PIP5K1B: variants seen among roughly 807,000 people sequenced by gnomAD.
The protein encoded by PIP5K1B is phosphatidylinositol-4-phosphate 5-kinase type 1 beta, also known as phosphatidylinositol 4-phosphate 5-kinase type-1 beta.
Under a neutral mutation model 67.0 loss-of-function variants are expected in PIP5K1B, and 42 were observed. The observed-to-expected ratio is 0.63, with a 90% confidence interval of 0.49 to 0.81. PIP5K1B has a LOEUF of 0.81. Among genes scored for constraint, PIP5K1B ranks in the 30% least tolerant of loss-of-function variants. The probability of loss-of-function intolerance (pLI) is 0.00; values close to 1 mark genes in which losing one functional copy is unlikely to be tolerated. For synonymous variants in PIP5K1B, 214 were observed against 231.4 expected (o/e 0.92, Z 0.68); for missense variants, 459 against 646.3 (o/e 0.71, Z 3.14).
chr9:68,977,384 G>A (rs1829680011), intron 14 of PIP5K1B, among the ~76,000 whole-genome samples: 1 of 152,126 alleles, frequency 6.6e-6, no homozygotes. Context: ...TTAGCCAGGT[G>A]TGGTGGTGCT....
intron 2 of PIP5K1B, among the ~76,000 whole-genome samples, chr9:68,762,714 A>G (rs2132394238): frequency 6.6e-6 from 1 of 152,250 alleles, no homozygotes; most frequent in East Asian, 1.9e-4. Context: ...AGGATAATAC[A>G]TTGGTTAAGA....
At position 69,008,489 on chromosome 9, in the gene PIP5K1B, A is replaced by AGCACAGTTATGGCAGAGAAGTTTCTCC; in HGVS notation, c.*45_*71dup. On this transcript the variant is annotated 3_prime_UTR_variant, in exon 16 of 16. Transcript: ENST00000265382. ...CACCTAAGCACATGGATGAGACGTG[A>AGCACAGTTATGGCAGAGAAGTTTCTCC]GCACAGTTATGGCAGAGAAGTTTCT... 6.2e-7 allele frequency: 1 copy of AGCACAGTTATGGCAGAGAAGTTTCTCC among 1,608,564 alleles called. No homozygotes were observed. Among genetic ancestry groups the AGCACAGTTATGGCAGAGAAGTTTCTCC allele is most frequent in the Non-Finnish European group, 8.5e-7 (1 of 1,174,952 alleles).
chr9:68,999,769 T>A (rs10746988), intron 15 of PIP5K1B, among the ~76,000 whole-genome samples: 137,399 of 152,256 alleles, frequency 0.9, 62,316 homozygotes, highest in Non-Finnish European at 0.95. Context: ...AAGTTTATGA[T>A]CTGGGCTTGC....
intron 2 of PIP5K1B, among the ~76,000 whole-genome samples, chr9:68,758,120 A>G (rs895985269): frequency 6.6e-6 from 1 of 152,208 alleles, no homozygotes; most frequent in African/African-American, 2.4e-5. Context: ...ATTCACGACA[A>G]TTGCCTGCTA....
Position 68,925,125 on chromosome 9 carries a change from A to ATT in PIP5K1B, c.1201+1739_1201+1740insTT, listed in dbSNP as rs150248536. 2.2e-3 allele frequency among the ~76,000 whole-genome samples: 337 copies of ATT among 151,196 alleles called. 2 individuals carry two copies. The highest frequency in any genetic ancestry group is 3.4e-3 in the Non-Finnish European group (230 of 67,888). ...AAATTGTATGAGTGTGACGTAATCT[A>ATT]ATTTTTTTTTTTGCCAGAATCTATT... On this transcript the variant is annotated intron_variant, in intron 12 of 15. Coordinates refer to ENST00000265382, the MANE Select transcript of PIP5K1B (RefSeq NM_003558.4).
Position 68,889,054 on chromosome 9 carries a change from G to C in PIP5K1B, c.392G>C (p.Ser131Thr). ...AGTGGATCCTTGTTTTTTGTGACCA[G>C]TGATGATGAATTTATCATCAAAACA... ...GASGSLFFVT[S>T]DDEFIIKTVQ... The change falls in exon 7 of 16, where the codon AGT becomes ACT. Residue 131 changes from serine to threonine, a missense_variant. Transcript: ENST00000265382. 6.2e-7 allele frequency: 1 copy of C among 1,612,530 alleles called. No individual in the cohort carries two copies. Among genetic ancestry groups the C allele is most frequent in the Non-Finnish European group, 8.5e-7 (1 of 1,178,612 alleles).
At chr9:68,999,272 G>T (rs957130704) in intron 15 of PIP5K1B, among the ~76,000 whole-genome samples, 2 of 152,120 alleles carry the variant, frequency 1.3e-5, no homozygotes, top group African/African-American at 4.8e-5. Context: ...TCCAAATAAG[G>T]TTACGGTCTG....
intron 2 of PIP5K1B, among the ~76,000 whole-genome samples, chr9:68,754,411 C>G (rs1829819001): frequency 6.6e-6 from 1 of 151,756 alleles, no homozygotes; most frequent in Non-Finnish European, 1.5e-5. Flanking sequence ...CCTCGTGATT[C>G]ACCCGCCTCA....
chr9:68,868,716 G>A (rs1823478523), intron 5 of PIP5K1B, among the ~76,000 whole-genome samples: 1 of 152,212 alleles, frequency 6.6e-6, no homozygotes, highest in Non-Finnish European at 1.5e-5. Flanking sequence ...TTACCTGGAG[G>A]TGGCAAAAAT....
chr9:68,936,300 A>G lies in PIP5K1B; in HGVS notation c.1357+1255A>G, dbSNP rs562699079. On this transcript the variant is annotated intron_variant, in intron 13 of 15. Transcript: ENST00000265382. The stretch of plus-strand genomic sequence containing the variant: ...AGTACTTCTAATGTTTCACTGTTGA[A>G]AAAGAAGTTTGCTGTATTTGATACC... Among the ~76,000 whole-genome samples, 22 of 152,248 alleles carry G rather than the reference A, an allele frequency of 1.4e-4. 1 individual carries two copies. Among genetic ancestry groups the G allele is most frequent in the African/African-American group, 5.3e-4 (22 of 41,568 alleles).
intron 14 of PIP5K1B, among the ~76,000 whole-genome samples, chr9:68,977,869 G>A (rs1474174376): frequency 2.6e-5 from 4 of 151,880 alleles, no homozygotes; most frequent in South Asian, 2.1e-4. Context: ...GGCTGGTCTC[G>A]AACTCCTGAC....
chr9:68,846,063 A>G (rs754214418), intron 4 of PIP5K1B, among the ~76,000 whole-genome samples: 8 of 152,216 alleles, frequency 5.3e-5, no homozygotes, highest in Non-Finnish European at 1.2e-4. Context: ...TAAATGTTGC[A>G]AATAACTTAA....
intron 4 of PIP5K1B, among the ~76,000 whole-genome samples, chr9:68,832,852 T>C (rs1834390957): frequency 6.6e-6 from 1 of 152,234 alleles, no homozygotes; most frequent in Non-Finnish European, 1.5e-5. Flanking sequence ...TCATTGCAGA[T>C]CAGGAATCGT....
At chr9:68,725,192 T>C (rs1828092929) in intron 1 of PIP5K1B, among the ~76,000 whole-genome samples, 1 of 152,204 alleles carries the variant, frequency 6.6e-6, no homozygotes, top group Non-Finnish European at 1.5e-5. Flanking sequence ...TGTTTTAAAA[T>C]GGCATTTTGC....
intron 2 of PIP5K1B, among the ~76,000 whole-genome samples, chr9:68,775,413 G>C (rs7030788): frequency 0.13 from 19,685 of 152,070 alleles, 1,441 homozygotes; most frequent in Non-Finnish European, 0.17. Flanking sequence ...CATCACTACT[G>C]TTGTGTTTGG....
chr9:68,753,484 C>T (rs1376676841), intron 2 of PIP5K1B, among the ~76,000 whole-genome samples: 2 of 133,966 alleles, frequency 1.5e-5, no homozygotes, highest in Admixed American at 8.0e-5. Context: ...GGACTACAGG[C>T]GTGTGCCACC....
intron 1 of PIP5K1B, among the ~76,000 whole-genome samples, chr9:68,733,857 C>G (rs1334407883): frequency 6.6e-6 from 1 of 152,042 alleles, no homozygotes; most frequent in African/African-American, 2.4e-5. Context: ...CCAGGCTGGT[C>G]TCGATCTCTT....
chr9:68,975,361 A>T (rs1380606789), intron 14 of PIP5K1B, among the ~76,000 whole-genome samples: 1 of 152,194 alleles, frequency 6.6e-6, no homozygotes, highest in African/African-American at 2.4e-5. Context: ...GAGCCACTGC[A>T]CCCAGCCACG....
intron 14 of PIP5K1B, among the ~76,000 whole-genome samples, chr9:68,959,795 A>G (rs1828616897): frequency 6.6e-6 from 1 of 152,216 alleles, no homozygotes; most frequent in Non-Finnish European, 1.5e-5. Context: ...ATATTTATTA[A>G]TAATTGAATC....
Sources: gnomAD v4.1 joint callset for allele counts (sites outside exome capture counted in the v4.1 genomes callset) on GRCh38, gnomAD v4.1.1 for gene constraint, MANE v1.5 for transcripts, NCBI Gene and HGNC (gene_info 2026-07-23, HGNC 2026-07-21) for gene names.